The following MRPS25 variants were observed in gnomAD, a reference collection of about 807,000 sequenced individuals.
MRPS25 encodes small ribosomal subunit protein mS25.
A neutral mutation model predicts 17.3 loss-of-function variants in MRPS25; 15 were observed. That is an observed-to-expected ratio of 0.87 (90% CI 0.58 to 1.34). MRPS25 has a LOEUF of 1.34. Among genes scored for constraint, MRPS25 ranks in the 40% most tolerant of loss-of-function variants. The probability of loss-of-function intolerance (pLI) is 0.00; values close to 1 mark genes in which losing one functional copy is unlikely to be tolerated. For synonymous variants in MRPS25, 94 were observed against 83.3 expected, an observed-to-expected ratio of 1.13 and a Z score of -0.70; for missense variants, 225 against 218.6, an observed-to-expected ratio of 1.03 and a Z score of -0.19.
At chr3:15,043,500 G>A (rs1559315892), downstream of MRPS25, 1 of 152,746 alleles carries the variant, frequency 6.5e-6, no homozygotes, top group Non-Finnish European at 1.5e-5. Flanking sequence ...AACTGTGTAT[G>A]TCTTTTGCCG....
chr3:15,047,213 C>G (rs2042488488), downstream of MRPS25: 1 of 152,516 alleles, frequency 6.6e-6, no homozygotes. Flanking sequence ...TTCCAAGGTC[C>G]CTCGGCAGGG....
At position 15,051,783 on chromosome 3, in the gene MRPS25, C is replaced by G; in HGVS notation, c.*658G>C. ...CCTGCTAATGCACACAGTGGCTGGG[C>G]CATGGGTTGGCAGTGGCTGACTGGT... On this transcript the variant is annotated 3_prime_UTR_variant, in exon 4 of 4. Coordinates refer to ENST00000253686, the MANE Select transcript of MRPS25 (RefSeq NM_022497.5). 1.0e-6 allele frequency: 1 copy of G among 985,440 alleles called. No individual in the cohort carries two copies. The highest frequency in any genetic ancestry group is 1.7e-5 in the African/African-American group (1 of 57,338). 61.0% of individuals were successfully genotyped at this position (985,440 alleles called of 1,614,324 possible).
At chr3:15,043,313 G>GA (rs2042336710), downstream of MRPS25, 1 of 195,430 alleles carries the variant, frequency 5.1e-6, no homozygotes, top group Admixed American at 5.8e-5. Flanking sequence ...TAATGTCAGA[G>GA]ACTAGTATTA....
chr3:15,060,604 C>T (rs11925733), intron 1 of MRPS25, among the ~76,000 whole-genome samples: 11,573 of 151,454 alleles, frequency 0.076, 472 homozygotes, highest in Middle Eastern at 0.1. Context: ...GTTAAGCCGC[C>T]GGGCGCGGTG....
At position 15,052,396 on chromosome 3, in the gene MRPS25, C is replaced by A; in HGVS notation, c.*45G>T. The A allele has an allele frequency of 6.3e-7, 1 of 1,581,338 alleles. No homozygotes were observed. Among genetic ancestry groups the A allele is most frequent in the South Asian group, 1.1e-5 (1 of 88,206 alleles). On this transcript the variant is annotated 3_prime_UTR_variant, in exon 4 of 4. Transcript: ENST00000253686. ...CCAAAGTAATCCCATTCCAATCTCC[C>A]CACTGGTCAGACACCATCACCCCAG... is the stretch of plus-strand genomic sequence containing the variant.
chr3:15,046,616 C>T (rs898359320), downstream of MRPS25: 1 of 152,288 alleles, frequency 6.6e-6, no homozygotes, highest in Non-Finnish European at 1.5e-5. Context: ...GGGACCTGAT[C>T]TCATTGGAGT....
At chr3:15,064,601 A>G (rs2042828662) in intron 1 of MRPS25, among the ~76,000 whole-genome samples, 1 of 152,212 alleles carries the variant, frequency 6.6e-6, no homozygotes, top group South Asian at 2.1e-4. Flanking sequence ...ATCAGAAAAA[A>G]GAAAGCGCGA....
In MRPS25 at chr3:15,051,677, T is replaced by A. The variant is rs577850050; in HGVS notation, c.*764A>T. 7.1e-6 allele frequency: 7 copies of A among 985,824 alleles called. No individual in the cohort carries two copies. In the South Asian group the frequency reaches 2.8e-4, roughly 40 times the overall value. The allele number at this position is 985,824 out of a possible 1,614,324, so 61.1% of individuals were successfully genotyped here. ...GCCTGAGGGAGCCAGCAGAGCCAGC[T>A]ATAGACACCATCCCCCCAGCAGGGC... On this transcript the variant is annotated 3_prime_UTR_variant, in exon 4 of 4. Coordinates refer to ENST00000253686, the MANE Select transcript of MRPS25 (RefSeq NM_022497.5).
intron 3 of MRPS25, 123 bp downstream of exon 3, chr3:15,053,257 T>A: frequency 6.6e-7 from 1 of 1,525,236 alleles, no homozygotes; most frequent in Non-Finnish European, 8.8e-7. Flanking sequence ...CCAGCTCTTA[T>A]TAGTGTCTGG....
chr3:15,058,528 T>C (rs561577650), intron 2 of MRPS25, among the ~76,000 whole-genome samples: 2 of 152,308 alleles, frequency 1.3e-5, no homozygotes, highest in African/African-American at 4.8e-5. Flanking sequence ...TCTGTCTCCC[T>C]CTGCTGGATA....
intron 1 of MRPS25, among the ~76,000 whole-genome samples, chr3:15,059,716 A>G (rs2042723780): frequency 6.6e-6 from 1 of 152,040 alleles, no homozygotes; most frequent in Admixed American, 6.5e-5. Flanking sequence ...CTAACCTAAC[A>G]CCAATGCCAA....
rs1352728811 is a variant in MRPS25 at position 15,049,399 on chromosome 3, C to T, written c.*3042G>A. On this transcript the variant is annotated 3_prime_UTR_variant, in exon 4 of 4. Transcript: ENST00000253686. ...TCCTGTCTCTACAGCTCTCTGGCTCCTACCTTAGCCTTAGCGGCCAAGAGG... is the reference window on the plus strand; with the variant it reads ...TCCTGTCTCTACAGCTCTCTGGCTCTTACCTTAGCCTTAGCGGCCAAGAGG... 1 of 158,582 alleles carries T rather than the reference C, an allele frequency of 6.3e-6. No homozygotes were observed. The highest frequency in any genetic ancestry group is 1.4e-5 in the Non-Finnish European group (1 of 72,838). The allele number at this position is 158,582 out of a possible 1,614,324, so 9.8% of individuals were successfully genotyped here.
At chr3:15,063,596 A>ACACTT (rs1238681267) in intron 1 of MRPS25, among the ~76,000 whole-genome samples, 17 of 152,216 alleles carry the variant, frequency 1.1e-4, no homozygotes, top group Non-Finnish European at 2.4e-4. Flanking sequence ...GAAACAGTGA[A>ACACTT]TGGCTGTTTG....
At chr3:15,059,823 C>T (rs910016768) in intron 1 of MRPS25, among the ~76,000 whole-genome samples, 3 of 152,162 alleles carry the variant, frequency 2.0e-5, no homozygotes, top group Non-Finnish European at 4.4e-5. Flanking sequence ...GAGCTGTATA[C>T]TTACAGGTGT....
chr3:15,063,632 A>G (rs1575074328), intron 1 of MRPS25, among the ~76,000 whole-genome samples: 1 of 152,190 alleles, frequency 6.6e-6, no homozygotes, highest in Admixed American at 6.5e-5. Flanking sequence ...GAGGACATTA[A>G]AATATCTGAG....
At chr3:15,042,784 G>GT (rs762857817), downstream of MRPS25, 6 of 1,570,576 alleles carry the variant, frequency 3.8e-6, no homozygotes, top group African/African-American at 8.1e-5. Flanking sequence ...CTGAGCTGTG[G>GT]TTGAAGGGCA....
In MRPS25 at chr3:15,065,092, T is replaced by C; in HGVS notation, c.103A>G (p.Asn35Asp). ...CCCTCGCCCAGCTCCCCATGCGTGT[T>C]GTAATTCACTGTCATGACCTTCACG... ...DSVKVMTVNY[N>D]THGELGEGAR... The change falls in exon 1 of 4, where the codon AAC becomes GAC. Residue 35 changes from asparagine (N) to aspartate (D), a missense_variant. Transcript: ENST00000253686. 6.2e-7 allele frequency: 1 copy of C among 1,606,822 alleles called. No homozygotes were observed.
intron 1 of MRPS25, 91 bp from the exon 2 acceptor site, chr3:15,059,566 T>C (rs2042721476): frequency 2.3e-6 from 2 of 859,216 alleles, no homozygotes; most frequent in Non-Finnish European, 1.9e-6. Flanking sequence ...AGCCCAGCAT[T>C]TTCATCAGAT....
rs2042606437 is a variant in MRPS25 at position 15,051,568 on chromosome 3, C to T, written c.*873G>A. 2 of 985,384 alleles carry T rather than the reference C, an allele frequency of 2.0e-6. No individual in the cohort carries two copies. Among genetic ancestry groups the T allele is most frequent in the Non-Finnish European group, 2.4e-6 (2 of 829,896 alleles). The allele number at this position is 985,384 out of a possible 1,614,324, so 61.0% of individuals were successfully genotyped here. A position where few individuals can be genotyped will look rare whatever the true frequency, so the allele number is the denominator to read the frequency against. The stretch of plus-strand genomic sequence containing the variant: ...CTCCACTTTAGCATAACTAAAGTGA[C>T]AGTAACATCAGTGTCCTATGAGGAA... On this transcript the variant is annotated 3_prime_UTR_variant, in exon 4 of 4. Coordinates refer to ENST00000253686, the MANE Select transcript of MRPS25 (RefSeq NM_022497.5).
Sources: allele counts gnomAD v4.1 joint callset (sites outside exome capture counted in the v4.1 genomes callset), GRCh38; gene constraint gnomAD v4.1.1; transcripts MANE v1.5; gene names NCBI Gene and HGNC (gene_info 2026-07-23, HGNC 2026-07-21).